LRP1B: variants seen among roughly 807,000 people sequenced by gnomAD.
The protein encoded by LRP1B is LDL receptor related protein 1B, also known as low-density lipoprotein receptor-related protein 1B.
In LRP1B, 217 loss-of-function variants were observed where a neutral mutation model predicts 556.6. That is an observed-to-expected ratio of 0.39 (90% CI 0.35 to 0.44). The LOEUF (loss-of-function observed/expected upper bound fraction) is 0.44, where lower values mean the gene tolerates loss of function less well. Among genes scored for constraint, LRP1B ranks in the 20% least tolerant of loss-of-function variants. The pLI, the probability that LRP1B is intolerant of heterozygous loss-of-function variation, is 1.00. For synonymous variants in LRP1B, 2,047 were observed against 1,865.8 expected, an observed-to-expected ratio of 1.10 and a Z score of -2.50; for missense variants, 5,053 against 5,620.8, an observed-to-expected ratio of 0.90 and a Z score of 3.23.
chr2:141,457,505 A>G (rs1192979926), intron 3 of LRP1B, among the ~76,000 whole-genome samples: 3 of 152,124 alleles, frequency 2.0e-5, no homozygotes, highest in Non-Finnish European at 4.4e-5. Flanking sequence ...TACCTAGGTG[A>G]TGGGTTGATA....
At chr2:141,757,315 T>C (rs1274378193) in intron 2 of LRP1B, among the ~76,000 whole-genome samples, 3 of 152,174 alleles carry the variant, frequency 2.0e-5, no homozygotes, top group Non-Finnish European at 4.4e-5. Context: ...TTCTGACTGG[T>C]TCCCTTATTA....
chr2:140,305,009 G>GT (rs1490336666), intron 83 of LRP1B, among the ~76,000 whole-genome samples: 1 of 152,064 alleles, frequency 6.6e-6, no homozygotes, highest in African/African-American at 2.4e-5. Context: ...TGTTCCATTG[G>GT]TCTATATCTC....
At chr2:141,845,196 CAAT>C (rs1479331391) in intron 1 of LRP1B, among the ~76,000 whole-genome samples, 5 of 151,490 alleles carry the variant, frequency 3.3e-5, no homozygotes, top group Admixed American at 3.3e-4. Context: ...AGATAGAAAA[CAAT>C]GACTGAATTT....
At chr2:140,580,774 A>G (rs1384662706) in intron 43 of LRP1B, among the ~76,000 whole-genome samples, 1 of 151,868 alleles carries the variant, frequency 6.6e-6, no homozygotes, top group Non-Finnish European at 1.5e-5. Context: ...CTTTGGGAGG[A>G]ACTAGAAGCA....
chr2:141,254,348 T>C (rs1684380766), intron 4 of LRP1B, among the ~76,000 whole-genome samples, 174 bp downstream of exon 4: 1 of 152,106 alleles, frequency 6.6e-6, no homozygotes, highest in South Asian at 2.1e-4. Context: ...TTGAGAGTCA[T>C]AAACTTATAA....
chr2:141,986,525 C>T (rs1024372691), intron 1 of LRP1B, among the ~76,000 whole-genome samples: 1 of 151,726 alleles, frequency 6.6e-6, no homozygotes, highest in Admixed American at 6.6e-5. Flanking sequence ...TTATAATTAC[C>T]TCTATTTGAA....
At chr2:141,998,965 T>C (rs989541650) in intron 1 of LRP1B, among the ~76,000 whole-genome samples, 4 of 152,168 alleles carry the variant, frequency 2.6e-5, no homozygotes, top group Admixed American at 1.3e-4. Flanking sequence ...GAAAGGAACA[T>C]AAATTTTCTA....
At chr2:141,568,043 A>T (rs374308874) in intron 2 of LRP1B, among the ~76,000 whole-genome samples, 5 of 150,802 alleles carry the variant, frequency 3.3e-5, no homozygotes, top group African/African-American at 9.7e-5. Context: ...AAAGCATAGA[A>T]CTGTCCAGAG....
intron 1 of LRP1B, among the ~76,000 whole-genome samples, chr2:142,052,175 G>A (rs1209341425): frequency 1.3e-5 from 2 of 151,028 alleles, no homozygotes; most frequent in African/African-American, 4.9e-5. Flanking sequence ...ATTATGGCAA[G>A]TTAAAAAAAA....
At chr2:141,544,254 T>C (rs1032502973) in intron 2 of LRP1B, among the ~76,000 whole-genome samples, 3 of 151,692 alleles carry the variant, frequency 2.0e-5, no homozygotes, top group African/African-American at 7.3e-5. Context: ...AATTATCACT[T>C]TAAATCAGTT....
chr2:141,595,893 T>G (rs143499329), intron 2 of LRP1B, among the ~76,000 whole-genome samples: 2 of 152,072 alleles, frequency 1.3e-5, no homozygotes, highest in Non-Finnish European at 2.9e-5. Context: ...TTGGAATTTA[T>G]CTGCATCCAT....
intron 11 of LRP1B, among the ~76,000 whole-genome samples, chr2:141,042,687 G>A (rs887794413): frequency 3.9e-5 from 6 of 152,084 alleles, no homozygotes; most frequent in Middle Eastern, 6.8e-3. Context: ...GCTGTTGAGT[G>A]GATTGTATGG....
intron 2 of LRP1B, among the ~76,000 whole-genome samples, chr2:141,799,160 T>G (rs1191705362): frequency 6.6e-6 from 1 of 152,126 alleles, no homozygotes; most frequent in East Asian, 1.9e-4. Flanking sequence ...GCTATGTTAG[T>G]TGGAATTCTA....
At chr2:140,893,822 CAT>C (rs1166662520) in intron 23 of LRP1B, among the ~76,000 whole-genome samples, 3 of 152,240 alleles carry the variant, frequency 2.0e-5, no homozygotes, top group African/African-American at 4.8e-5. Context: ...AATGAAGCGA[CAT>C]ATGTGAAAGT....
chr2:140,679,475 G>T (rs1367081636), intron 41 of LRP1B, among the ~76,000 whole-genome samples: 1 of 152,100 alleles, frequency 6.6e-6, no homozygotes, highest in Non-Finnish European at 1.5e-5. Context: ...GTACATTAAT[G>T]AACTAATGAT....
chr2:141,210,232 G>A lies in LRP1B; in HGVS notation c.850+18951C>T, dbSNP rs543521413. Among the ~76,000 whole-genome samples, 6 of 141,412 alleles carry A rather than the reference G, an allele frequency of 4.2e-5. No individual in the cohort carries two copies. In the South Asian group the frequency reaches 1.4e-3, roughly 34 times the overall value. 92.8% of individuals were successfully genotyped at this position (141,412 alleles called of 152,430 possible). A position where few individuals can be genotyped will look rare whatever the true frequency, so the allele number is the denominator to read the frequency against. ...CATCGCTACAAGATTAAAAACTTAC[G>A]GAGGTCAGGAAATATAAGAAAAAAA... On this transcript the variant is annotated intron_variant, in intron 6 of 90. Coordinates refer to ENST00000389484, the MANE Select transcript of LRP1B (RefSeq NM_018557.3).
At chr2:141,740,172 G>A (rs1262629374) in intron 2 of LRP1B, among the ~76,000 whole-genome samples, 1 of 152,022 alleles carries the variant, frequency 6.6e-6, no homozygotes, top group Admixed American at 6.6e-5. Context: ...GATCATAGAC[G>A]TGACAAATTT....
At chr2:140,821,942 G>C (rs998861910) in intron 31 of LRP1B, among the ~76,000 whole-genome samples, 2 of 151,820 alleles carry the variant, frequency 1.3e-5, no homozygotes, top group African/African-American at 4.8e-5. Flanking sequence ...AGAAGTTGCA[G>C]TGAGACAAGT....
At chr2:141,946,955 G>A (rs1356060418) in intron 1 of LRP1B, among the ~76,000 whole-genome samples, 1 of 152,146 alleles carries the variant, frequency 6.6e-6, no homozygotes, top group Non-Finnish European at 1.5e-5. Flanking sequence ...TTCTTAGGCT[G>A]CTAAGCAACA....
Sources: allele counts gnomAD v4.1 joint callset (sites outside exome capture counted in the v4.1 genomes callset), GRCh38; gene constraint gnomAD v4.1.1; transcripts MANE v1.5; gene names NCBI Gene and HGNC (gene_info 2026-07-23, HGNC 2026-07-21).